Variants in EXT1 observed in about 807,000 individuals in gnomAD.
EXT1 encodes the protein exostosin-1.
EXT1 carries 20 observed loss-of-function variants against 82.5 expected under a neutral mutation model. The observed-to-expected ratio is 0.24, with a 90% CI of 0.17 to 0.35. The LOEUF (loss-of-function observed/expected upper bound fraction) is 0.35, where lower values mean the gene tolerates loss of function less well. Among genes scored for constraint, EXT1 ranks in the 10% least tolerant of loss-of-function variants. The probability of loss-of-function intolerance (pLI) is 1.00; values close to 1 mark genes in which losing one functional copy is unlikely to be tolerated. For missense variants in EXT1, 757 were observed against 936.5 expected, an observed-to-expected ratio of 0.81 and a Z score of 2.50; for synonymous variants, 348 against 350.8, an observed-to-expected ratio of 0.99 and a Z score of 0.09.
chr8:118,019,283 G>GAAAGAAAGAAAGAAAGAA (rs368904934), intron 1 of EXT1, among the ~76,000 whole-genome samples: 1 of 151,960 alleles, frequency 6.6e-6, no homozygotes, highest in Non-Finnish European at 1.5e-5. Flanking sequence ...AAGAAAGAAA[G>GAAAGAAAGAAAGAAAGAA]AGGAAATGGG....
chr8:118,066,507 C>T (rs915997397), intron 1 of EXT1, among the ~76,000 whole-genome samples: 2 of 149,818 alleles, frequency 1.3e-5, no homozygotes, highest in Non-Finnish European at 2.9e-5. Flanking sequence ...TACAGGTGCG[C>T]ACCACCCACA....
intron 1 of EXT1, among the ~76,000 whole-genome samples, chr8:117,934,803 T>A (rs1814127737): frequency 6.6e-6 from 1 of 152,118 alleles, no homozygotes; most frequent in Non-Finnish European, 1.5e-5. Context: ...ATGTACGTAT[T>A]TTTTTTAAGC....
At chr8:117,879,246 T>A (rs111730289) in intron 1 of EXT1, among the ~76,000 whole-genome samples, 21 of 152,222 alleles carry the variant, frequency 1.4e-4, no homozygotes, top group African/African-American at 5.1e-4. Flanking sequence ...GACATGTGAT[T>A]ACTATTAAAT....
In EXT1 at chr8:118,059,251, A is replaced by C. The variant is rs1308622747; in HGVS notation, c.962+50834T>G. Among the ~76,000 whole-genome samples the C allele has an allele frequency of 3.3e-5, 5 of 152,264 alleles. No homozygotes were observed. In the East Asian group the frequency reaches 9.6e-4, roughly 29 times the overall value. On this transcript the variant is annotated intron_variant, in intron 1 of 10. Coordinates refer to ENST00000378204, the MANE Select transcript of EXT1 (RefSeq NM_000127.3). ...CTAAGGATGTTGTCCTTATTTGTAGAGTACACTGAATCATACAACTGTCAA... is the reference window on the plus strand; with the variant it reads ...CTAAGGATGTTGTCCTTATTTGTAGCGTACACTGAATCATACAACTGTCAA...
chr8:118,109,437 G>A (rs865901250), intron 1 of EXT1, among the ~76,000 whole-genome samples: 1 of 113,922 alleles, frequency 8.8e-6, no homozygotes, highest in Non-Finnish European at 2.0e-5. Context: ...ATGAATGAAT[G>A]AATGAATGCA....
chr8:117,902,712 A>T (rs1484776366), intron 1 of EXT1, among the ~76,000 whole-genome samples: 2 of 152,252 alleles, frequency 1.3e-5, no homozygotes, highest in Non-Finnish European at 2.9e-5. Flanking sequence ...AAGAGGATCC[A>T]AGGGTGAAAA....
At chr8:118,053,602 A>G (rs979218859) in intron 1 of EXT1, among the ~76,000 whole-genome samples, 1 of 152,330 alleles carries the variant, frequency 6.6e-6, no homozygotes, top group East Asian at 1.9e-4. Context: ...CCTTTTCTTC[A>G]AAGTCTTTCC....
At chr8:118,036,597 G>A (rs998658214) in intron 1 of EXT1, among the ~76,000 whole-genome samples, 1 of 152,068 alleles carries the variant, frequency 6.6e-6, no homozygotes, top group African/African-American at 2.4e-5. Flanking sequence ...CCCTTTGGGG[G>A]TCATTTATTC....
intron 10 of EXT1, among the ~76,000 whole-genome samples, chr8:117,802,830 T>A (rs145009094): frequency 7.2e-5 from 11 of 152,336 alleles, no homozygotes; most frequent in African/African-American, 2.6e-4. Context: ...GACTCTTTGC[T>A]AAGGACAGCT....
At chr8:118,094,741 A>G (rs1182504246) in intron 1 of EXT1, among the ~76,000 whole-genome samples, 3 of 152,230 alleles carry the variant, frequency 2.0e-5, no homozygotes, top group Non-Finnish European at 4.4e-5. Context: ...AATTCAAACC[A>G]GAACCCTTAT....
intron 1 of EXT1, among the ~76,000 whole-genome samples, chr8:117,840,196 C>T (rs1812251624): frequency 6.6e-6 from 1 of 152,200 alleles, no homozygotes; most frequent in African/African-American, 2.4e-5. Flanking sequence ...GGTCCCTGAC[C>T]TGTTCCATGA....
At chr8:118,075,207 C>G (rs2129971531) in intron 1 of EXT1, among the ~76,000 whole-genome samples, 1 of 152,322 alleles carries the variant, frequency 6.6e-6, no homozygotes, top group South Asian at 2.1e-4. Context: ...AATTCCTGGG[C>G]CCAGAGAGAC....
chr8:117,907,360 G>A (rs1314837744), intron 1 of EXT1, among the ~76,000 whole-genome samples: 1 of 152,192 alleles, frequency 6.6e-6, no homozygotes, highest in East Asian at 1.9e-4. Flanking sequence ...CCTAGCATCA[G>A]AGCCTTGCAC....
chr8:117,818,351 T>C, intron 7 of EXT1, 84 bp downstream of exon 7: 1 of 1,013,474 alleles, frequency 9.9e-7, no homozygotes, highest in Non-Finnish European at 1.6e-6. Context: ...AGGGAGAAGA[T>C]ATCTAGGGCC....
chr8:117,929,759 C>T (rs963384166), intron 1 of EXT1, among the ~76,000 whole-genome samples: 10 of 152,132 alleles, frequency 6.6e-5, no homozygotes, highest in Admixed American at 3.9e-4. Context: ...GATATCTATC[C>T]GTATATGGGT....
chr8:117,922,586 G>A (rs1193964872), intron 1 of EXT1, among the ~76,000 whole-genome samples: 3 of 151,818 alleles, frequency 2.0e-5, no homozygotes, highest in Non-Finnish European at 4.4e-5. Flanking sequence ...GTCTGAGAGA[G>A]GCATGGTTTG....
intron 1 of EXT1, among the ~76,000 whole-genome samples, chr8:117,929,646 C>T (rs1019300744): frequency 6.6e-6 from 1 of 152,164 alleles, no homozygotes; most frequent in Non-Finnish European, 1.5e-5. Flanking sequence ...CTATTAGGGA[C>T]ATAGGGGATG....
intron 10 of EXT1, among the ~76,000 whole-genome samples, chr8:117,803,732 G>A (rs1673669668): frequency 1.3e-5 from 2 of 152,162 alleles, no homozygotes; most frequent in Non-Finnish European, 2.9e-5. Context: ...AAAAGAAAAT[G>A]TTGGATTCTA....
intron 1 of EXT1, among the ~76,000 whole-genome samples, chr8:117,966,516 T>C (rs1351614685): frequency 1.3e-5 from 2 of 152,182 alleles, no homozygotes; most frequent in South Asian, 2.1e-4. Context: ...CACAGCTAGT[T>C]AGCATAGGGA....
Sources: gnomAD v4.1 joint callset for allele counts (sites outside exome capture counted in the v4.1 genomes callset) on GRCh38, gnomAD v4.1.1 for gene constraint, MANE v1.5 for transcripts, NCBI Gene and HGNC (gene_info 2026-07-23, HGNC 2026-07-21) for gene names.